Variants in PACRG observed in about 807,000 individuals in gnomAD.
PACRG encodes parkin coregulated, also known as parkin coregulated gene protein.
In PACRG, 29 loss-of-function variants were observed where a neutral mutation model predicts 29.7. The observed-to-expected ratio is 0.98, with a 90% CI of 0.73 to 1.33. The LOEUF is 1.33. Among genes scored for constraint, PACRG ranks in the 40% most tolerant of loss-of-function variants. The pLI is 0.00. For missense variants in PACRG, 279 were observed against 316.2 expected, an observed-to-expected ratio of 0.88 and a Z score of 0.89; for synonymous variants, 116 against 118.7, an observed-to-expected ratio of 0.98 and a Z score of 0.15.
intron 4 of PACRG, among the ~76,000 whole-genome samples, chr6:163,202,142 G>C (rs894758658): frequency 1.3e-5 from 2 of 152,162 alleles, no homozygotes; most frequent in Non-Finnish European, 2.9e-5. Flanking sequence ...GTCCCGGCCG[G>C]CTGCTGGGAG....
chr6:162,816,911 A>C (rs1490885019), intron 2 of PACRG, among the ~76,000 whole-genome samples: 2 of 152,116 alleles, frequency 1.3e-5, no homozygotes, highest in Non-Finnish European at 2.9e-5. Context: ...TGGTCATGCA[A>C]ACCTCTGGTC....
chr6:162,874,729 C>T (rs1003539891), intron 2 of PACRG, among the ~76,000 whole-genome samples: 4 of 152,250 alleles, frequency 2.6e-5, no homozygotes, highest in Middle Eastern at 6.8e-3. Context: ...CTCCTACATG[C>T]ATAGACACAC....
chr6:163,079,847 T>C (rs1812906044), intron 3 of PACRG, among the ~76,000 whole-genome samples: 1 of 150,928 alleles, frequency 6.6e-6, no homozygotes, highest in Non-Finnish European at 1.5e-5. Flanking sequence ...TGTGGAAATG[T>C]AGACACCTTT....
chr6:162,760,147 C>T (rs1441950450), intron 1 of PACRG, among the ~76,000 whole-genome samples: 4 of 152,174 alleles, frequency 2.6e-5, no homozygotes, highest in African/African-American at 7.2e-5. Flanking sequence ...ACTCCAAGTG[C>T]GGTGTATGAC....
chr6:163,169,377 G>A (rs1384418504), intron 4 of PACRG, among the ~76,000 whole-genome samples: 1 of 152,222 alleles, frequency 6.6e-6, no homozygotes, highest in Non-Finnish European at 1.5e-5. Context: ...GTCAGTGTGA[G>A]TGAGGAAATC....
chr6:162,880,952 A>G (rs1230917319), intron 2 of PACRG, among the ~76,000 whole-genome samples: 1 of 152,230 alleles, frequency 6.6e-6, no homozygotes, highest in East Asian at 1.9e-4. Flanking sequence ...GGATGTGTGC[A>G]CAGAGCCACG....
chr6:163,003,936 C>T (rs1584984014), intron 2 of PACRG, among the ~76,000 whole-genome samples: 3 of 152,170 alleles, frequency 2.0e-5, no homozygotes, highest in African/African-American at 4.8e-5. Context: ...TCCACTTGAT[C>T]GCACTATGCA....
At chr6:163,268,270 C>T (rs557816253) in intron 4 of PACRG, among the ~76,000 whole-genome samples, 3 of 151,904 alleles carry the variant, frequency 2.0e-5, no homozygotes, top group South Asian at 2.1e-4. Context: ...GGCGTGGTGG[C>T]GGGCGCCTGT....
intron 4 of PACRG, among the ~76,000 whole-genome samples, chr6:163,268,092 T>C (rs1423071139): frequency 1.3e-5 from 2 of 152,124 alleles, no homozygotes; most frequent in Non-Finnish European, 2.9e-5. Context: ...AAAAGTACGT[T>C]ATAGATACTT....
intron 2 of PACRG, among the ~76,000 whole-genome samples, chr6:162,881,261 C>A (rs1170623002): frequency 2.0e-5 from 3 of 152,200 alleles, no homozygotes. Context: ...AATGAGCAAA[C>A]TTTCAATGAT....
chr6:162,958,559 G>A (rs1046027535), intron 2 of PACRG, among the ~76,000 whole-genome samples: 5 of 151,848 alleles, frequency 3.3e-5, no homozygotes, highest in Non-Finnish European at 5.9e-5. Flanking sequence ...GTAAAAGTAT[G>A]CTTTGCTTTT....
chr6:163,285,455 G>A (rs1784367013), intron 4 of PACRG, among the ~76,000 whole-genome samples: 1 of 152,182 alleles, frequency 6.6e-6, no homozygotes, highest in Non-Finnish European at 1.5e-5. Flanking sequence ...TTCCCTGCTA[G>A]AGTGAATCCC....
intron 2 of PACRG, among the ~76,000 whole-genome samples, chr6:163,050,086 CACAA>C (rs1452795498): frequency 6.6e-6 from 1 of 151,966 alleles, no homozygotes; most frequent in African/African-American, 2.4e-5. Context: ...GAATTTAATT[CACAA>C]ACACTTTTTA....
chr6:163,258,518 G>A (rs943046846), intron 4 of PACRG, among the ~76,000 whole-genome samples: 3 of 152,156 alleles, frequency 2.0e-5, no homozygotes, highest in East Asian at 3.9e-4. Flanking sequence ...AGCACTTTGG[G>A]AGGCCGAGAC....
intron 2 of PACRG, among the ~76,000 whole-genome samples, chr6:163,059,034 G>A (rs1269539727): frequency 8.0e-5 from 12 of 149,668 alleles, no homozygotes; most frequent in South Asian, 2.1e-4. Flanking sequence ...AGCCGAGATC[G>A]CACCACTGCC....
intron 4 of PACRG, among the ~76,000 whole-genome samples, chr6:163,300,707 C>T (rs1784955148): frequency 6.6e-6 from 1 of 152,204 alleles, no homozygotes; most frequent in African/African-American, 2.4e-5. Flanking sequence ...AATTATTTTG[C>T]AAATATTAAA....
At chr6:163,034,157 G>T (rs1445555381) in intron 2 of PACRG, among the ~76,000 whole-genome samples, 1 of 152,168 alleles carries the variant, frequency 6.6e-6, no homozygotes, top group Non-Finnish European at 1.5e-5. Context: ...CCCACCCATT[G>T]CAGCAACATT....
intron 4 of PACRG, chr6:163,166,012 G>T: frequency 2.3e-6 from 1 of 437,404 alleles, no homozygotes. Context: ...AATCTTCACT[G>T]GTTTGCCCAC....
At chr6:162,742,340 C>G (rs1447702055) in intron 1 of PACRG, among the ~76,000 whole-genome samples, 2 of 152,168 alleles carry the variant, frequency 1.3e-5, no homozygotes, top group Non-Finnish European at 2.9e-5. Flanking sequence ...CTCATTCTCT[C>G]TTTGTTGCCA....
Sources: allele counts gnomAD v4.1 joint callset (sites outside exome capture counted in the v4.1 genomes callset), GRCh38; gene constraint gnomAD v4.1.1; transcripts MANE v1.5; gene names NCBI Gene and HGNC (gene_info 2026-07-23, HGNC 2026-07-21).